NRXN1: variants seen among roughly 807,000 people sequenced by gnomAD.
NRXN1 encodes the protein neurexin-1.
Under a neutral mutation model 150.9 loss-of-function variants are expected in NRXN1, and 39 were observed. The observed-to-expected ratio is 0.26, with a 90% confidence interval of 0.20 to 0.34. NRXN1 has a LOEUF of 0.34. Among genes scored for constraint, NRXN1 ranks in the 10% least tolerant of loss-of-function variants. NRXN1 has a pLI of 1.00. For synonymous variants in NRXN1, 924 were observed against 757.0 expected, an observed-to-expected ratio of 1.22 and a Z score of -3.62; for missense variants, 1,815 against 1,949.9, an observed-to-expected ratio of 0.93 and a Z score of 1.30.
chr2:51,022,997 A>G lies in NRXN1; in HGVS notation c.772+4505T>C, dbSNP rs973639306. Among the ~76,000 whole-genome samples, 5 of 152,310 alleles carry G rather than the reference A, an allele frequency of 3.3e-5. No homozygotes were observed. In the East Asian group the frequency reaches 9.7e-4, roughly 29 times the overall value. On this transcript the variant is annotated intron_variant, in intron 2 of 22. Transcript: ENST00000401669. ...AAAGGGTTCAGGTAATGCTTTTCAT[A>G]GGTAGAACCAAAGTGTTCTGAACAA...
Position 50,346,522 on chromosome 2 carries a change from C to T in NRXN1, c.3365-109552G>A, listed in dbSNP as rs2077986009. 6.6e-6 allele frequency among the ~76,000 whole-genome samples: 1 copy of T among 152,168 alleles called. No homozygotes were observed. The highest frequency in any genetic ancestry group is 1.5e-5 in the Non-Finnish European group (1 of 67,994). On this transcript the variant is annotated intron_variant, in intron 17 of 22. Coordinates refer to ENST00000401669, the MANE Select transcript of NRXN1 (RefSeq NM_001330078.2). This position sits in a 1 kb window ranked among gnomAD's most constrained non-coding sequence, Gnocchi z 5.0. ...ACACCCGCGACGCCTTCCCCCATCC[C>T]CTTTCTATTGTCTTCAAAGAGATAA...
At chr2:50,585,728 C>T (rs112759668) in intron 8 of NRXN1, among the ~76,000 whole-genome samples, 2,194 of 152,268 alleles carry the variant, frequency 0.014, 49 homozygotes, top group Admixed American at 0.06. Context: ...AATTTTCATT[C>T]CCTAGTCACT....
chr2:50,699,643 A>G (rs1280199523), intron 5 of NRXN1, among the ~76,000 whole-genome samples: 2 of 152,018 alleles, frequency 1.3e-5, no homozygotes, highest in African/African-American at 4.8e-5. Flanking sequence ...GCCCACAACC[A>G]GAAGGGAGTG....
At chr2:49,926,262 A>T in intron 22 of NRXN1, 1 of 398,084 alleles carries the variant, frequency 2.5e-6, no homozygotes. Flanking sequence ...AATCCCTGGG[A>T]CTCTTGCACT....
intron 2 of NRXN1, among the ~76,000 whole-genome samples, chr2:50,977,448 T>C (rs573108488): frequency 1.3e-5 from 2 of 152,010 alleles, no homozygotes; most frequent in African/African-American, 4.8e-5. Context: ...AAGTTGGTTT[T>C]TAAAAACACA....
intron 8 of NRXN1, among the ~76,000 whole-genome samples, chr2:50,582,832 T>C (rs1183913764): frequency 6.6e-6 from 1 of 152,130 alleles, no homozygotes; most frequent in Non-Finnish European, 1.5e-5. Flanking sequence ...CAGTTGCCCA[T>C]CAACCCCCGC....
chr2:50,167,553 T>TAA (rs1337139117), intron 18 of NRXN1, among the ~76,000 whole-genome samples: 2 of 139,828 alleles, frequency 1.4e-5, no homozygotes, highest in Non-Finnish European at 1.6e-5. Context: ...GAGAAACTGT[T>TAA]AAAAAAAAAA....
chr2:50,054,233 A>G (rs887339513), intron 20 of NRXN1, among the ~76,000 whole-genome samples: 5 of 100,878 alleles, frequency 5.0e-5, no homozygotes, highest in African/African-American at 2.2e-4. Flanking sequence ...AGTCTATCAA[A>G]ACAAAACAAA....
chr2:50,295,450 A>G (rs1205386554), intron 17 of NRXN1, among the ~76,000 whole-genome samples: 1 of 152,210 alleles, frequency 6.6e-6, no homozygotes, highest in Non-Finnish European at 1.5e-5. Context: ...ATTGAGGAAG[A>G]GTAAATAATT....
chr2:49,960,111 A>G (rs1326375892), intron 21 of NRXN1, among the ~76,000 whole-genome samples: 4 of 152,206 alleles, frequency 2.6e-5, no homozygotes, highest in African/African-American at 9.6e-5. Context: ...TGCAAACTCA[A>G]GGGAGACAGA....
intron 17 of NRXN1, among the ~76,000 whole-genome samples, chr2:50,441,820 G>C (rs1215570153): frequency 6.6e-6 from 1 of 152,102 alleles, no homozygotes; most frequent in Non-Finnish European, 1.5e-5. Flanking sequence ...TGTAAAAAAT[G>C]GTCATCCATC....
intron 8 of NRXN1, among the ~76,000 whole-genome samples, chr2:50,597,279 C>A (rs998017326): frequency 6.6e-6 from 1 of 152,140 alleles, no homozygotes; most frequent in Non-Finnish European, 1.5e-5. Context: ...TATCACAATA[C>A]CCCAAACCTT....
chr2:50,847,364 G>A (rs77174730), intron 5 of NRXN1, among the ~76,000 whole-genome samples: 6,541 of 152,232 alleles, frequency 0.043, 489 homozygotes, highest in African/African-American at 0.15. Flanking sequence ...AAGGTCAGAG[G>A]CCAAACAGGT....
chr2:50,566,248 T>C (rs1332488593), intron 8 of NRXN1, among the ~76,000 whole-genome samples: 4 of 151,874 alleles, frequency 2.6e-5, no homozygotes, highest in African/African-American at 9.7e-5. Context: ...CTGGTATAAT[T>C]ATTTTTTTTT....
At chr2:50,192,702 G>A (rs2061522718) in intron 18 of NRXN1, among the ~76,000 whole-genome samples, 1 of 152,088 alleles carries the variant, frequency 6.6e-6, no homozygotes, top group African/African-American at 2.4e-5. Flanking sequence ...CTCCTCCCAG[G>A]TTCAAATGAT....
At chr2:50,251,970 C>T (rs905626522) in intron 17 of NRXN1, among the ~76,000 whole-genome samples, 1 of 152,034 alleles carries the variant, frequency 6.6e-6, no homozygotes, top group African/African-American at 2.4e-5. Flanking sequence ...AAGTTTTCTC[C>T]TATTCTGCAG....
chr2:50,367,186 G>T (rs112475298), intron 17 of NRXN1, among the ~76,000 whole-genome samples: 5 of 151,876 alleles, frequency 3.3e-5, no homozygotes, highest in Non-Finnish European at 7.4e-5. Flanking sequence ...GGCTATCCTC[G>T]TCTCTTGAAC....
At chr2:50,947,877 G>T (rs949761843) in intron 2 of NRXN1, among the ~76,000 whole-genome samples, 3 of 151,720 alleles carry the variant, frequency 2.0e-5, no homozygotes, top group East Asian at 1.9e-4. Flanking sequence ...TTCTCATCAC[G>T]CTGAGTATCA....
At chr2:50,034,042 G>A (rs1174309334) in intron 21 of NRXN1, among the ~76,000 whole-genome samples, 3 of 151,644 alleles carry the variant, frequency 2.0e-5, no homozygotes, top group Non-Finnish European at 4.4e-5. Context: ...ACACTGTTGG[G>A]GGGAGTGTAA....
Sources: gnomAD v4.1 joint callset for allele counts (sites outside exome capture counted in the v4.1 genomes callset) on GRCh38, gnomAD v4.1.1 for gene constraint, Gnocchi (gnomAD v3.1) non-coding constraint, MANE v1.5 for transcripts, NCBI Gene and HGNC (gene_info 2026-07-23, HGNC 2026-07-21) for gene names.